The following MTR variants were observed in gnomAD, a reference collection of about 807,000 sequenced individuals.
MTR encodes 5-methyltetrahydrofolate-homocysteine methyltransferase.
Under a neutral mutation model 154.8 loss-of-function variants are expected in MTR, and 84 were observed. That is an observed-to-expected ratio of 0.54 (90% confidence interval 0.45 to 0.65). MTR has a LOEUF of 0.65. Ranked by LOEUF, MTR falls within the 30% of genes least tolerant of loss-of-function variation. The probability of loss-of-function intolerance (pLI) is 0.00; values close to 1 mark genes in which losing one functional copy is unlikely to be tolerated. For synonymous variants in MTR, 554 were observed against 553.9 expected, an observed-to-expected ratio of 1.00 and a Z score of 0.00; for missense variants, 1,275 against 1,570.2, an observed-to-expected ratio of 0.81 and a Z score of 3.18.
chr1:236,820,353 T>C, intron 8 of MTR: 1 of 761,506 alleles, frequency 1.3e-6, no homozygotes, highest in East Asian at 2.4e-5. Context: ...AGTTCACTGC[T>C]ACTCGGCCTG....
rs1401172599 is a variant in MTR, at chr1:236,902,200, C to G, written c.*4556C>G. ...GACCCTGCCTCATGTCTTGGAAGCCCTAGACTGCTGCTGTACCCTGAAGGA... is the reference window on the plus strand; with the variant it reads ...GACCCTGCCTCATGTCTTGGAAGCCGTAGACTGCTGCTGTACCCTGAAGGA... On this transcript the variant is annotated 3_prime_UTR_variant, in exon 33 of 33. Transcript: ENST00000366577. The G allele has an allele frequency of 6.6e-6, 1 of 152,350 alleles. No individual in the cohort carries two copies. Among genetic ancestry groups the G allele is most frequent in the Non-Finnish European group, 1.5e-5 (1 of 68,210 alleles). 9.4% of individuals were successfully genotyped at this position (152,350 alleles called of 1,614,324 possible). A position where few individuals can be genotyped will look rare whatever the true frequency, so the allele number is the denominator to read the frequency against.
At chr1:236,837,289 T>C (rs1327384618) in intron 14 of MTR, among the ~76,000 whole-genome samples, 1 of 152,158 alleles carries the variant, frequency 6.6e-6, no homozygotes, top group East Asian at 1.9e-4. Context: ...TTTGCTCGTT[T>C]GGTGGCGTGG....
intron 5 of MTR, among the ~76,000 whole-genome samples, chr1:236,812,085 G>A (rs1456532902): frequency 1.3e-5 from 2 of 152,244 alleles, no homozygotes; most frequent in Non-Finnish European, 2.9e-5. Flanking sequence ...GTTTCACCAT[G>A]TTGGCCAGGC....
At chr1:236,882,607 G>A (rs1008387224) in intron 25 of MTR, among the ~76,000 whole-genome samples, 1 of 152,098 alleles carries the variant, frequency 6.6e-6, no homozygotes, top group African/African-American at 2.4e-5. Flanking sequence ...TGGCCAGGCT[G>A]GTCTTGAACT....
intron 10 of MTR, among the ~76,000 whole-genome samples, chr1:236,825,902 T>C (rs1558289808): frequency 6.6e-6 from 1 of 152,246 alleles, no homozygotes; most frequent in Non-Finnish European, 1.5e-5. Flanking sequence ...AATTTTTAGC[T>C]TCTGTTTCAC....
At chr1:236,849,007 C>T (rs1051607110) in intron 15 of MTR, among the ~76,000 whole-genome samples, 2 of 152,146 alleles carry the variant, frequency 1.3e-5, no homozygotes, top group South Asian at 4.1e-4. Flanking sequence ...GAACATTTTT[C>T]GCGTTCATTG....
rs186371850 is a variant in MTR at position 236,811,736 on chromosome 1, G to C, written c.503-1002G>C. The C allele has an allele frequency of 1.3e-4, 61 of 455,076 alleles. 1 individual carries two copies. In the East Asian group the frequency reaches 4.2e-3, roughly 32 times the overall value. 28.2% of individuals were successfully genotyped at this position (455,076 alleles called of 1,614,324 possible). A position where few individuals can be genotyped will look rare whatever the true frequency, so the allele number is the denominator to read the frequency against. On this transcript the variant is annotated intron_variant, in intron 5 of 32. Coordinates refer to ENST00000366577, the MANE Select transcript of MTR (RefSeq NM_000254.3). The stretch of plus-strand genomic sequence containing the variant: ...CACTTAACGTCATTGGCAGGTTTTT[G>C]AAAACTGCATCTTTAAGCAAAATGA...
chr1:236,858,265 G>C (rs1664316233), intron 18 of MTR, among the ~76,000 whole-genome samples: 1 of 152,182 alleles, frequency 6.6e-6, no homozygotes, highest in African/African-American at 2.4e-5. Context: ...CATGACAGCA[G>C]ATAAGAGAGG....
intron 15 of MTR, among the ~76,000 whole-genome samples, chr1:236,843,638 T>G (rs999346862): frequency 7.9e-5 from 12 of 152,192 alleles, no homozygotes; most frequent in African/African-American, 2.9e-4. Context: ...TGGTGATGGT[T>G]AGGGCCATGG....
At chr1:236,867,937 A>G (rs1450802950) in intron 22 of MTR, among the ~76,000 whole-genome samples, 1 of 152,232 alleles carries the variant, frequency 6.6e-6, no homozygotes, top group Non-Finnish European at 1.5e-5. Context: ...ATGGCTATGA[A>G]CAGTGTTGAA....
At chr1:236,796,830 C>A (rs998098707) in intron 1 of MTR, among the ~76,000 whole-genome samples, 2 of 151,312 alleles carry the variant, frequency 1.3e-5, no homozygotes, top group African/African-American at 4.9e-5. Flanking sequence ...AGATTTATAT[C>A]TTATTGAATA....
intron 8 of MTR, chr1:236,819,602 G>T (rs1161699987): frequency 6.7e-6 from 3 of 449,288 alleles, no homozygotes; most frequent in Non-Finnish European, 1.3e-5. Context: ...GCGTTGTTCT[G>T]GATTCCCATG....
In MTR at chr1:236,859,855, A is replaced by G. The variant is rs749490579; in HGVS notation, c.1976A>G (p.Lys659Arg). 2 of 1,614,004 alleles carry G rather than the reference A, an allele frequency of 1.2e-6. No homozygotes were observed. Among genetic ancestry groups the G allele is most frequent in the African/African-American group, 1.3e-5 (1 of 75,024 alleles). The change falls in exon 19 of 33, where the codon AAA becomes AGA. Residue 659 changes from lysine to arginine, a missense_variant. Transcript: ENST00000366577. ...YAQTQGTGGK[K>R]VIQTDEWRNG... is the part of the protein sequence containing the mutation. Reference sequence around the variant, plus strand: ...CAGACTCAAGGCACAGGAGGGAAGAAAGTCATTCAGACTGATGAGTGGAGA... The same window carrying G: ...CAGACTCAAGGCACAGGAGGGAAGAGAGTCATTCAGACTGATGAGTGGAGA...
rs1293098779 is a variant in MTR, at chr1:236,885,185, A to C, written c.2741A>C (p.Glu914Ala). The change falls in exon 26 of 33, where the codon GAA becomes GCA. Residue 914 changes from glutamate to alanine, a missense_variant. Physicochemically the swap from Glu to Ala is moderately radical, Grantham distance 107. Transcript: ENST00000366577. Reference sequence around the variant, plus strand: ...TTTGAGGAAATCATGGAAGAATATGAAGATATTAGACAGGACCATTATGAG... The same window carrying C: ...TTTGAGGAAATCATGGAAGAATATGCAGATATTAGACAGGACCATTATGAG... ...EYFEEIMEEYEDIRQDHYESL... is the reference protein window; with the variant it reads ...EYFEEIMEEYADIRQDHYESL... The C allele has an allele frequency of 3.1e-6, 5 of 1,608,146 alleles. No homozygotes were observed. The South Asian group carries it at 5.5e-5, about 18-fold the overall frequency.
At chr1:236,856,350 T>C (rs898817582) in intron 18 of MTR, among the ~76,000 whole-genome samples, 3 of 152,102 alleles carry the variant, frequency 2.0e-5, no homozygotes, top group African/African-American at 7.2e-5. Context: ...TTTTTTTTAC[T>C]ATCTCGTTCA....
rs1342569565 is a variant in MTR at position 236,898,503 on chromosome 1, C to A, written c.*859C>A. ...CAAGCTCCGCCTCCTGGGTTCATGC[C>A]ATTCTCCTGCCTCAGCCTCCAGAGT... On this transcript the variant is annotated 3_prime_UTR_variant, in exon 33 of 33. Coordinates refer to ENST00000366577, the MANE Select transcript of MTR (RefSeq NM_000254.3). 1 of 151,748 alleles carries A rather than the reference C, an allele frequency of 6.6e-6. No homozygotes were observed. 9.4% of individuals were successfully genotyped at this position (151,748 alleles called of 1,614,324 possible).
At chr1:236,897,312 A>ATGCGCGCGCGTGCACGCGCGCG (rs1553331097) in intron 32 of MTR, among the ~76,000 whole-genome samples, 194 bp downstream of exon 32, 7 of 66,178 alleles carry the variant, frequency 1.1e-4, no homozygotes, top group African/African-American at 3.6e-4. Context: ...ACACACACGC[A>ATGCGCGCGCGTGCACGCGCGCG]CACACACACA....
chr1:236,804,110 T>C (rs1660841651), intron 2 of MTR, among the ~76,000 whole-genome samples: 2 of 152,208 alleles, frequency 1.3e-5, no homozygotes, highest in Admixed American at 6.5e-5. Flanking sequence ...CTGTGTCTGG[T>C]GAGGGCCCTC....
chr1:236,846,583 G>T (rs1169653413), intron 15 of MTR, among the ~76,000 whole-genome samples: 2 of 152,080 alleles, frequency 1.3e-5, no homozygotes, highest in Admixed American at 1.3e-4. Context: ...CAAGGAATTG[G>T]TATCTTGCCA....
Sources: gnomAD v4.1 joint callset for allele counts (sites outside exome capture counted in the v4.1 genomes callset) on GRCh38, gnomAD v4.1.1 for gene constraint, MANE v1.5 for transcripts, NCBI Gene and HGNC (gene_info 2026-07-23, HGNC 2026-07-21) for gene names.